Variants in RBFOX1 observed in about 807,000 individuals in gnomAD.
RBFOX1 encodes RNA binding protein fox-1 homolog 1.
Under a neutral mutation model 57.7 loss-of-function variants are expected in RBFOX1, and 8 were observed. The ratio of observed to expected loss-of-function variants is 0.14; its 90% CI spans 0.08 to 0.25. The LOEUF is 0.25. Ranked by LOEUF, RBFOX1 falls within the 10% of genes least tolerant of loss-of-function variation. The pLI is 1.00. For synonymous variants in RBFOX1, 326 were observed against 222.4 expected, an observed-to-expected ratio of 1.47 and a Z score of -4.15; for missense variants, 611 against 548.5, an observed-to-expected ratio of 1.11 and a Z score of -1.14.
At chr16:6,113,896 C>T (rs1197208603) in intron 1 of RBFOX1, among the ~76,000 whole-genome samples, 1 of 152,172 alleles carries the variant, frequency 6.6e-6, no homozygotes, top group Non-Finnish European at 1.5e-5. Flanking sequence ...TGTATCACCA[C>T]CGGCATAATA....
rs1345156914 is a variant in RBFOX1 at position 6,450,767 on chromosome 16, G to GTGTATA, written c.-64+133711_-64+133712insGTATAT. 3.8e-4 allele frequency among the ~76,000 whole-genome samples: 13 copies of GTGTATA among 34,132 alleles called. 1 individual carries two copies. Among genetic ancestry groups the GTGTATA allele is most frequent in the African/African-American group, 1.7e-3 (13 of 7,604 alleles). The allele number at this position is 34,132 out of a possible 152,430, so 22.4% of individuals were successfully genotyped here. A position where few individuals can be genotyped will look rare whatever the true frequency, so the allele number is the denominator to read the frequency against. ...TATATATATATACATATATATATGT[G>GTGTATA]TATATATATATATATATATATACAT... On this transcript the variant is annotated intron_variant, in intron 2 of 15. Transcript: ENST00000550418.
chr16:6,447,886 A>G (rs1272862899), intron 2 of RBFOX1, among the ~76,000 whole-genome samples: 1 of 152,130 alleles, frequency 6.6e-6, no homozygotes, highest in Admixed American at 6.5e-5. Context: ...GTGTGTTAGG[A>G]CTTGTTCAAG....
intron 4 of RBFOX1, among the ~76,000 whole-genome samples, chr16:7,231,354 T>A (rs2093482184): frequency 6.6e-6 from 1 of 152,110 alleles, no homozygotes; most frequent in African/African-American, 2.4e-5. Flanking sequence ...GTGACTAAAC[T>A]GGAGTATTAG....
At chr16:6,410,688 G>C (rs1350405693) in intron 2 of RBFOX1, among the ~76,000 whole-genome samples, 1 of 152,120 alleles carries the variant, frequency 6.6e-6, no homozygotes, top group East Asian at 1.9e-4. Flanking sequence ...GCCTCTGGTG[G>C]GTGCACGTTG....
intron 5 of RBFOX1, among the ~76,000 whole-genome samples, chr16:7,538,866 G>A (rs59450317): frequency 0.14 from 4,180 of 30,544 alleles, 176 homozygotes; most frequent in African/African-American, 0.32. Flanking sequence ...CCCCCACCCC[G>A]CCACTCAATC....
intron 1 of RBFOX1, among the ~76,000 whole-genome samples, chr16:5,406,967 T>G (rs1268508685): frequency 1.3e-5 from 2 of 151,994 alleles, no homozygotes; most frequent in African/African-American, 4.8e-5. Context: ...GACATTTGAG[T>G]GATGTATTAG....
chr16:5,589,478 G>A (rs184977668), intron 2 of RBFOX1, among the ~76,000 whole-genome samples: 7 of 152,252 alleles, frequency 4.6e-5, no homozygotes, highest in South Asian at 2.1e-4. Context: ...ATCTTCCAGA[G>A]GAAGAAACTC....
intron 4 of RBFOX1, among the ~76,000 whole-genome samples, chr16:7,191,597 T>G (rs1820465843): frequency 6.6e-6 from 1 of 152,224 alleles, no homozygotes. Flanking sequence ...CTTAAACACA[T>G]TTAAATTTAA....
At chr16:6,187,421 C>G (rs987327577) in intron 1 of RBFOX1, among the ~76,000 whole-genome samples, 4 of 152,136 alleles carry the variant, frequency 2.6e-5, no homozygotes. Context: ...GCAGAGATAA[C>G]AGGGATAAAA....
At chr16:5,756,175 G>T (rs994262547) in intron 3 of RBFOX1, among the ~76,000 whole-genome samples, 2 of 140,834 alleles carry the variant, frequency 1.4e-5, no homozygotes, top group African/African-American at 2.7e-5. Flanking sequence ...CCCTTTAGTG[G>T]GTATTATTTG....
At chr16:6,445,470 T>C (rs1446459084) in intron 2 of RBFOX1, among the ~76,000 whole-genome samples, 1 of 151,904 alleles carries the variant, frequency 6.6e-6, no homozygotes, top group Non-Finnish European at 1.5e-5. Context: ...CTCATGATTA[T>C]AGTCAGTTCC....
intron 5 of RBFOX1, among the ~76,000 whole-genome samples, chr16:7,530,575 G>C (rs891847479): frequency 6.6e-6 from 1 of 151,862 alleles, no homozygotes; most frequent in African/African-American, 2.4e-5. Flanking sequence ...CAATGGGTCT[G>C]TGTGAATTCA....
rs114714685 is a variant in RBFOX1, at chr16:6,086,546, C to T, written c.-127+66554C>T. ...TGCTTAAACATAAACCAGCAGTGAA[C>T]GAAGAATCTTTAGTACCTGACGTGA... On this transcript the variant is annotated intron_variant, in intron 1 of 15. Transcript: ENST00000550418. Among the ~76,000 whole-genome samples the T allele has an allele frequency of 7.2e-3, 1,098 of 152,222 alleles. 10 individuals are homozygous for T. Among genetic ancestry groups the T allele is most frequent in the African/African-American group, 0.025 (1,036 of 41,536 alleles).
intron 2 of RBFOX1, among the ~76,000 whole-genome samples, chr16:6,542,247 C>T (rs191292763): frequency 3.7e-3 from 556 of 151,992 alleles, no homozygotes; most frequent in Middle Eastern, 6.8e-3. Context: ...TAAAAATAAT[C>T]TTGAGATCTA....
At chr16:7,289,136 C>T (rs2095709521) in intron 4 of RBFOX1, among the ~76,000 whole-genome samples, 1 of 152,172 alleles carries the variant, frequency 6.6e-6, no homozygotes, top group South Asian at 2.1e-4. Flanking sequence ...TTAGAGATGT[C>T]TGTGGCTGAG....
At chr16:5,308,561 CCCTT>C (rs1488848836) in intron 1 of RBFOX1, among the ~76,000 whole-genome samples, 1 of 152,068 alleles carries the variant, frequency 6.6e-6, no homozygotes, top group Non-Finnish European at 1.5e-5. Flanking sequence ...CCCATGTCTC[CCCTT>C]CCTTTAACCT....
At position 7,294,333 on chromosome 16, in the gene RBFOX1, G is replaced by A. The variant is rs2095850215; in HGVS notation, c.28-223814G>A. 5.9e-5 allele frequency among the ~76,000 whole-genome samples: 9 copies of A among 152,108 alleles called. No homozygotes were observed. In the South Asian group the frequency reaches 1.9e-3, roughly 32 times the overall value. On this transcript the variant is annotated intron_variant, in intron 4 of 15. Transcript: ENST00000550418. ...GCACCTTGTCTTTGCTTCACCTCCT[G>A]GAGTCCATTGTTTCAGGAAGGCTGC...
chr16:6,642,377 C>A (rs185587944), intron 2 of RBFOX1, among the ~76,000 whole-genome samples: 1 of 152,138 alleles, frequency 6.6e-6, no homozygotes, highest in Non-Finnish European at 1.5e-5. Context: ...GCTGTGATGC[C>A]AATGCATAGC....
At chr16:5,686,793 T>C (rs1312810440) in intron 3 of RBFOX1, among the ~76,000 whole-genome samples, 1 of 152,056 alleles carries the variant, frequency 6.6e-6, no homozygotes, top group African/African-American at 2.4e-5. Context: ...CATTTGGCTA[T>C]CAATTAGTCA....
Sources: allele counts gnomAD v4.1 joint callset (sites outside exome capture counted in the v4.1 genomes callset), GRCh38; gene constraint gnomAD v4.1.1; transcripts MANE v1.5; gene names NCBI Gene and HGNC (gene_info 2026-07-23, HGNC 2026-07-21).